EYS: variants seen among roughly 807,000 people sequenced by gnomAD.
EYS encodes EGF-like photoreceptor maintenance factor, also known as protein eyes shut homolog.
A neutral mutation model predicts 282.1 loss-of-function variants in EYS; 250 were observed. That is an observed-to-expected ratio of 0.89 (90% confidence interval 0.80 to 0.98). The LOEUF (loss-of-function observed/expected upper bound fraction) is 0.98, where lower values mean the gene tolerates loss of function less well. Ranked by LOEUF, EYS falls within the 50% of genes least tolerant of loss-of-function variation. The probability of loss-of-function intolerance (pLI) is 0.00; values close to 1 mark genes in which losing one functional copy is unlikely to be tolerated. For missense variants in EYS, 4,016 were observed against 3,709.0 expected (o/e 1.08, Z -2.15); for synonymous variants, 1,355 against 1,282.9 (o/e 1.06, Z -1.20).
intron 31 of EYS, among the ~76,000 whole-genome samples, chr6:64,205,494 A>T (rs1298691563): frequency 1.3e-5 from 2 of 152,138 alleles, no homozygotes; most frequent in African/African-American, 4.8e-5. Flanking sequence ...TGAAATGGTA[A>T]ATTTGCAGCT....
At chr6:63,934,650 C>G (rs947324499) in intron 35 of EYS, among the ~76,000 whole-genome samples, 3 of 149,714 alleles carry the variant, frequency 2.0e-5, no homozygotes, top group African/African-American at 4.9e-5. Flanking sequence ...ATCGCAAGGA[C>G]AAAAAACCAA....
chr6:64,867,970 G>T (rs961820723), intron 19 of EYS, among the ~76,000 whole-genome samples: 14 of 151,308 alleles, frequency 9.3e-5, no homozygotes, highest in African/African-American at 3.1e-4. Context: ...TAAATAAAAA[G>T]CCTGTGGATA....
chr6:65,681,312 T>C (rs1768806161), intron 1 of EYS, among the ~76,000 whole-genome samples: 1 of 152,042 alleles, frequency 6.6e-6, no homozygotes, highest in South Asian at 2.1e-4. Flanking sequence ...AGCCAACTCA[T>C]TAGCATATGA....
chr6:64,027,445 C>T (rs1170176573), intron 33 of EYS, among the ~76,000 whole-genome samples: 2 of 152,128 alleles, frequency 1.3e-5, no homozygotes, highest in Non-Finnish European at 2.9e-5. Context: ...AAAGCAAGCC[C>T]TGGGCCCTGA....
chr6:65,265,356 A>G (rs1307818962), intron 12 of EYS, among the ~76,000 whole-genome samples: 1 of 151,960 alleles, frequency 6.6e-6, no homozygotes, highest in Non-Finnish European at 1.5e-5. Context: ...TATTATTTGT[A>G]TTTATGGATT....
intron 4 of EYS, among the ~76,000 whole-genome samples, chr6:65,493,333 G>C (rs929183740): frequency 6.6e-6 from 1 of 152,162 alleles, no homozygotes; most frequent in Non-Finnish European, 1.5e-5. Flanking sequence ...TTAAATCCCT[G>C]CAGGTGATCT....
At chr6:65,301,188 A>G (rs569989088) in intron 11 of EYS, among the ~76,000 whole-genome samples, 1 of 152,262 alleles carries the variant, frequency 6.6e-6, no homozygotes, top group African/African-American at 2.4e-5. Context: ...GACACTGTAA[A>G]TATTTTATTG....
chr6:65,200,001 C>G (rs1015982108), intron 12 of EYS, among the ~76,000 whole-genome samples: 2 of 152,004 alleles, frequency 1.3e-5, no homozygotes, highest in African/African-American at 4.8e-5. Flanking sequence ...ACTCTGTTAT[C>G]TTATTTTGAA....
At chr6:65,567,506 C>T (rs1171427819) in intron 2 of EYS, among the ~76,000 whole-genome samples, 1 of 151,640 alleles carries the variant, frequency 6.6e-6, no homozygotes, top group African/African-American at 2.4e-5. Context: ...AATGATGCAG[C>T]TTTTTAAATA....
intron 11 of EYS, among the ~76,000 whole-genome samples, chr6:65,321,934 T>C (rs1292548723): frequency 6.6e-6 from 1 of 152,202 alleles, no homozygotes; most frequent in African/African-American, 2.4e-5. Flanking sequence ...GCAAGTCACT[T>C]AAACCTTCTG....
chr6:63,960,476 A>G (rs143197528), intron 35 of EYS, among the ~76,000 whole-genome samples: 1,610 of 152,326 alleles, frequency 0.011, 24 homozygotes, highest in African/African-American at 0.037. Flanking sequence ...GTATACATAA[A>G]CCTGGTTGAT....
intron 36 of EYS, among the ~76,000 whole-genome samples, chr6:63,827,928 CA>C (rs1271044562): frequency 4.0e-5 from 6 of 151,136 alleles, no homozygotes; most frequent in Non-Finnish European, 7.4e-5. Context: ...AAATCAACTC[CA>C]AAAGGAACCT....
At chr6:64,618,671 T>G (rs1450364849) in intron 23 of EYS, among the ~76,000 whole-genome samples, 2 of 152,066 alleles carry the variant, frequency 1.3e-5, no homozygotes, top group Non-Finnish European at 2.9e-5. Context: ...AGGGCCTGAG[T>G]CTAAAAGACA....
At chr6:64,586,820 C>T (rs1020773709) in intron 26 of EYS, among the ~76,000 whole-genome samples, 1 of 151,974 alleles carries the variant, frequency 6.6e-6, no homozygotes, top group Admixed American at 6.6e-5. Context: ...TCTATTTTTC[C>T]TATCCATTGC....
At chr6:64,574,410 A>T (rs1765818680) in intron 26 of EYS, among the ~76,000 whole-genome samples, 1 of 152,210 alleles carries the variant, frequency 6.6e-6, no homozygotes, top group Non-Finnish European at 1.5e-5. Flanking sequence ...TGTATCCTAG[A>T]ACTTAAACTA....
chr6:64,551,799 T>G (rs184650949), intron 26 of EYS, among the ~76,000 whole-genome samples: 6 of 152,302 alleles, frequency 3.9e-5, no homozygotes, highest in South Asian at 2.1e-4. Flanking sequence ...TCCACAGTGG[T>G]TGAACTAGTT....
At chr6:64,477,704 G>C (rs1358459253) in intron 26 of EYS, among the ~76,000 whole-genome samples, 2 of 151,996 alleles carry the variant, frequency 1.3e-5, no homozygotes, top group Non-Finnish European at 2.9e-5. Context: ...TTTTGGAAAT[G>C]TTACAAGATA....
intron 22 of EYS, among the ~76,000 whole-genome samples, chr6:64,645,372 G>A (rs1398072313): frequency 2.0e-5 from 3 of 152,154 alleles, no homozygotes; most frequent in Non-Finnish European, 4.4e-5. Flanking sequence ...AATCCTCTCT[G>A]GGAACATCAG....
At chr6:65,041,357 T>A (rs1426595623) in intron 13 of EYS, among the ~76,000 whole-genome samples, 1 of 151,522 alleles carries the variant, frequency 6.6e-6, no homozygotes, top group Non-Finnish European at 1.5e-5. Flanking sequence ...GAGGTAAGAG[T>A]TAAGATATGT....
Sources: allele counts gnomAD v4.1 joint callset (sites outside exome capture counted in the v4.1 genomes callset), GRCh38; gene constraint gnomAD v4.1.1; transcripts MANE v1.5; gene names NCBI Gene and HGNC (gene_info 2026-07-23, HGNC 2026-07-21).